Variants in SEC14L5 observed in about 807,000 individuals in gnomAD.
SEC14L5 encodes SEC14-like protein 5.
SEC14L5 carries 96 observed loss-of-function variants against 84.6 expected under a neutral mutation model. That is an observed-to-expected ratio of 1.13 (90% CI 0.96 to 1.34). The LOEUF is 1.34. SEC14L5 is among the 40% of genes most tolerant of loss of function. The probability of loss-of-function intolerance (pLI) is 0.00; values close to 1 mark genes in which losing one functional copy is unlikely to be tolerated. For missense variants in SEC14L5, 1,224 were observed against 942.5 expected, an observed-to-expected ratio of 1.30 and a Z score of -3.91; for synonymous variants, 546 against 383.4, an observed-to-expected ratio of 1.42 and a Z score of -4.95.
intron 1 of SEC14L5, 23 bp from the exon 2 acceptor site, chr16:4,959,250 T>A: frequency 1.6e-6 from 2 of 1,222,392 alleles, no homozygotes; most frequent in Non-Finnish European, 2.4e-6. Flanking sequence ...AGCTGCAACC[T>A]CACCAGTCAC....
chr16:4,985,972 C>A (rs983558698), intron 2 of SEC14L5, among the ~76,000 whole-genome samples: 2 of 151,896 alleles, frequency 1.3e-5, no homozygotes, highest in East Asian at 3.9e-4. Flanking sequence ...TGGGTATATA[C>A]CTAGGAGTGG....
chr16:4,969,820 C>G (rs559001053), intron 2 of SEC14L5, among the ~76,000 whole-genome samples: 1 of 141,306 alleles, frequency 7.1e-6, no homozygotes, highest in Admixed American at 7.1e-5. Flanking sequence ...TTTTTCTTTC[C>G]TTTTTTTTTT....
intron 2 of SEC14L5, among the ~76,000 whole-genome samples, chr16:4,961,771 T>C (rs745908695): frequency 6.6e-6 from 1 of 152,182 alleles, no homozygotes; most frequent in Non-Finnish European, 1.5e-5. Flanking sequence ...TTCCATCCTA[T>C]AGTTAATGTG....
intron 12 of SEC14L5, 94 bp downstream of exon 12, chr16:5,006,142 A>T: frequency 3.7e-6 from 5 of 1,353,054 alleles, no homozygotes; most frequent in East Asian, 2.3e-5. Context: ...TGGGAGGTGG[A>T]GGGGGGCTGG....
chr16:5,008,167 C>G (rs1037729468), intron 13 of SEC14L5, among the ~76,000 whole-genome samples: 1 of 151,660 alleles, frequency 6.6e-6, no homozygotes, highest in African/African-American at 2.4e-5. Flanking sequence ...CCACCCACCT[C>G]GGCCTCCCAA....
chr16:4,980,387 C>T (rs993766252), intron 2 of SEC14L5, among the ~76,000 whole-genome samples: 1 of 152,130 alleles, frequency 6.6e-6, no homozygotes, highest in Non-Finnish European at 1.5e-5. Flanking sequence ...AGCAGACCAG[C>T]CTCCCCTCCG....
Position 4,959,386 on chromosome 16 carries a change from G to T in SEC14L5, c.63G>T (p.Ala21=). 6.2e-7 allele frequency: 1 copy of T among 1,613,356 alleles called. No individual in the cohort carries two copies. The highest frequency in any genetic ancestry group is 8.5e-7 in the Non-Finnish European group (1 of 1,179,302). Residue 21 remains alanine (A), a splice_region_variant and synonymous_variant, in exon 2 of 16, where the codon GCG becomes GCT. Transcript: ENST00000251170. The stretch of plus-strand genomic sequence containing the variant: ...AGTACCCGTTTGAGCTGGTCATGGC[G>T]GTGAGTGACTCCTGATTCTTGGGCC... ...VYKYPFELVM[A]AYEKRFPTCP...
In SEC14L5 at chr16:5,006,283, TAGTG is replaced by T. The variant is rs1383917663; in HGVS notation, c.1437+242_1437+245del. Among the ~76,000 whole-genome samples, 12 of 152,308 alleles carry T rather than the reference TAGTG, an allele frequency of 7.9e-5. No homozygotes were observed. In the South Asian group the frequency reaches 8.3e-4, roughly 11 times the overall value. ...GGCCTTACTCTGGGTCCTTCAAACATAGTGAGTGAGATAGAAGTTTCTGGAAGCC... is the reference window on the plus strand; with the variant it reads ...GGCCTTACTCTGGGTCCTTCAAACATAGTGAGATAGAAGTTTCTGGAAGCC... On this transcript the variant is annotated intron_variant, in intron 12 of 15. Coordinates refer to ENST00000251170, the MANE Select transcript of SEC14L5 (RefSeq NM_014692.2).
chr16:5,001,132 C>T (rs536206783), intron 10 of SEC14L5, among the ~76,000 whole-genome samples: 1 of 152,182 alleles, frequency 6.6e-6, no homozygotes, highest in South Asian at 2.1e-4. Context: ...AGAATGGTGG[C>T]CCCCATCGAA....
At chr16:5,003,082 G>C (rs909266063) in intron 10 of SEC14L5, among the ~76,000 whole-genome samples, 4 of 152,206 alleles carry the variant, frequency 2.6e-5, no homozygotes, top group Admixed American at 1.3e-4. Flanking sequence ...AGAGAGCTTT[G>C]TATATACCAT....
At chr16:4,998,472 C>T (rs1248137752) in intron 8 of SEC14L5, among the ~76,000 whole-genome samples, 1 of 151,672 alleles carries the variant, frequency 6.6e-6, no homozygotes, top group Admixed American at 6.6e-5. Context: ...GGCGCGGTGG[C>T]TCACGCCTGT....
intron 14 of SEC14L5, among the ~76,000 whole-genome samples, chr16:5,010,514 G>A (rs575034710): frequency 6.6e-5 from 10 of 152,236 alleles, no homozygotes; most frequent in Non-Finnish European, 1.0e-4. Context: ...ATGCACACAC[G>A]CAGCACCAGC....
At chr16:4,965,393 G>A (rs550264122) in intron 2 of SEC14L5, among the ~76,000 whole-genome samples, 296 of 152,256 alleles carry the variant, frequency 1.9e-3, no homozygotes, top group African/African-American at 6.9e-3. Flanking sequence ...CAGGCGCGGT[G>A]GCTCACGCCT....
intron 2 of SEC14L5, among the ~76,000 whole-genome samples, chr16:4,975,663 CTTCTT>C (rs1955331239): frequency 6.6e-6 from 1 of 151,970 alleles, no homozygotes. Context: ...CACATAATGA[CTTCTT>C]TTCCTTTGGG....
intron 10 of SEC14L5, among the ~76,000 whole-genome samples, chr16:5,002,749 G>A (rs142803807): frequency 1.2e-3 from 184 of 152,320 alleles, no homozygotes; most frequent in African/African-American, 4.3e-3. Context: ...TAATGAAATG[G>A]AGGCACAGAG....
intron 11 of SEC14L5, among the ~76,000 whole-genome samples, chr16:5,005,390 G>C (rs1426450459): frequency 2.3e-5 from 3 of 129,566 alleles, no homozygotes; most frequent in Non-Finnish European, 5.1e-5. Context: ...GGTTGCCCTG[G>C]GTTGGGGGAG....
intron 2 of SEC14L5, among the ~76,000 whole-genome samples, chr16:4,973,487 A>C (rs1374017229): frequency 6.6e-6 from 1 of 152,090 alleles, no homozygotes; most frequent in Non-Finnish European, 1.5e-5. Context: ...ATGGCTGATG[A>C]CTCATTCAGC....
chr16:4,965,178 C>T (rs1374223979), intron 2 of SEC14L5, among the ~76,000 whole-genome samples: 1 of 152,152 alleles, frequency 6.6e-6, no homozygotes, highest in Admixed American at 6.6e-5. Flanking sequence ...CACATCTTAG[C>T]ATGTATAGAT....
intron 2 of SEC14L5, among the ~76,000 whole-genome samples, chr16:4,961,844 C>T (rs1211180631): frequency 6.6e-6 from 1 of 152,096 alleles, no homozygotes; most frequent in Non-Finnish European, 1.5e-5. Flanking sequence ...GGGACAGTTT[C>T]TCTCTTCTTA....
Sources: gnomAD v4.1 joint callset for allele counts (sites outside exome capture counted in the v4.1 genomes callset) on GRCh38, gnomAD v4.1.1 for gene constraint, MANE v1.5 for transcripts, NCBI Gene and HGNC (gene_info 2026-07-23, HGNC 2026-07-21) for gene names.